Variants in ZNF462 observed in about 807,000 individuals in gnomAD.
ZNF462 encodes zinc finger protein 462, also known as zinc finger PBX1-interacting protein.
ZNF462 carries 10 observed loss-of-function variants against 201.9 expected under a neutral mutation model. That is an observed-to-expected ratio of 0.05 (90% CI 0.03 to 0.08). The LOEUF (loss-of-function observed/expected upper bound fraction) is 0.08. ZNF462 is among the 10% of genes least tolerant of loss of function. ZNF462 has a pLI of 1.00. For missense variants in ZNF462, 2,523 were observed against 3,168.3 expected, an observed-to-expected ratio of 0.80 and a Z score of 4.89; for synonymous variants, 1,227 against 1,193.3, an observed-to-expected ratio of 1.03 and a Z score of -0.58.
In ZNF462 at chr9:106,993,644, C is replaced by T. The variant is rs1371602747; in HGVS notation, c.7056+9235C>T. On this transcript the variant is annotated intron_variant, in intron 10 of 12. Transcript: ENST00000277225. The surrounding 1 kb of genome is among the most constrained non-coding windows in gnomAD (Gnocchi z 4.0). ...CTTTACTTCCCTCTCCCTTCCTTCA[C>T]TCCCTGCATTCTCTGTCCCCCAACA... Among the ~76,000 whole-genome samples the T allele has an allele frequency of 4.0e-5, 6 of 151,648 alleles. No individual in the cohort carries two copies. Among genetic ancestry groups the T allele is most frequent in the African/African-American group, 1.2e-4 (5 of 41,236 alleles).
rs1245689814 is a variant in ZNF462, at chr9:106,938,557, T to C, written c.6236-359T>C. On this transcript the variant is annotated intron_variant, in intron 6 of 12. Transcript: ENST00000277225. This position sits in a 1 kb window ranked among gnomAD's most constrained non-coding sequence, Gnocchi z 4.4. ...AGGCCACCTTGAATGAAACCTGACA[T>C]GGTCATTTCTAGTGTAGAGAGGGAG... Among the ~76,000 whole-genome samples the C allele has an allele frequency of 2.0e-5, 3 of 152,164 alleles. No individual in the cohort carries two copies. The highest frequency in any genetic ancestry group is 1.3e-4 in the Admixed American group (2 of 15,284).
At chr9:106,866,521 C>T (rs1372878814) in intron 1 of ZNF462, among the ~76,000 whole-genome samples, 1 of 152,062 alleles carries the variant, frequency 6.6e-6, no homozygotes, top group Admixed American at 6.5e-5. Flanking sequence ...CATGTTTGTG[C>T]AGACAAAAAT....
At chr9:106,991,834 C>T (rs1055472999) in intron 10 of ZNF462, among the ~76,000 whole-genome samples, 1 of 121,870 alleles carries the variant, frequency 8.2e-6, no homozygotes, top group Non-Finnish European at 1.6e-5. Context: ...CTTTACAGCA[C>T]TCTCTACACA....
rs1244404050 is a variant in ZNF462, at chr9:106,917,120, T to TA, written c.-30-6234_-30-6233insA. Among the ~76,000 whole-genome samples, 6 of 152,250 alleles carry TA rather than the reference T, an allele frequency of 3.9e-5. No homozygotes were observed. The highest frequency in any genetic ancestry group is 8.8e-5 in the Non-Finnish European group (6 of 68,050). ...CTCCAGAAGGTATGTAGTATCTCTT[T>TA]CTGTATGAGACACTTACTACCTGCT... is the stretch of plus-strand genomic sequence containing the variant. On this transcript the variant is annotated intron_variant, in intron 1 of 12. Coordinates refer to ENST00000277225, the MANE Select transcript of ZNF462 (RefSeq NM_021224.6). The surrounding 1 kb of genome is among the most constrained non-coding windows in gnomAD (Gnocchi z 4.5).
At chr9:106,862,258 C>G (rs539822509), upstream of ZNF462, among the ~76,000 whole-genome samples, 1 of 152,316 alleles carries the variant, frequency 6.6e-6, no homozygotes, top group South Asian at 2.1e-4. This position sits in a 1 kb window ranked among gnomAD's most constrained non-coding sequence, Gnocchi z 4.2. Flanking sequence ...CTTGCAACCT[C>G]CAGTTCCCCA....
rs1375173245 is a variant in ZNF462 at position 106,966,164 on chromosome 9, A to T, written c.6428-5841A>T. ...GCTTTTCAGAAGAAAATTACAATCC[A>T]TGTATTATTTTGAACTTCCTATGCT... On this transcript the variant is annotated intron_variant, in intron 7 of 12. Transcript: ENST00000277225. This position sits in a 1 kb window ranked among gnomAD's most constrained non-coding sequence, Gnocchi z 4.4. Among the ~76,000 whole-genome samples the T allele has an allele frequency of 6.6e-5, 10 of 152,036 alleles. No individual in the cohort carries two copies.
At chr9:106,934,739 A>C (rs563095079) in intron 5 of ZNF462, among the ~76,000 whole-genome samples, 1 of 152,314 alleles carries the variant, frequency 6.6e-6, no homozygotes, top group Non-Finnish European at 1.5e-5. Flanking sequence ...GTGCTGATAC[A>C]AATTAGAACT....
chr9:106,964,147 C>G (rs1210015419), intron 7 of ZNF462, among the ~76,000 whole-genome samples: 1 of 151,888 alleles, frequency 6.6e-6, no homozygotes, highest in African/African-American at 2.4e-5. Context: ...GTACATATCT[C>G]TTCAAGATCT....
rs556909703 is a variant in ZNF462, at chr9:106,954,786, A to G, written c.6427+15679A>G. Among the ~76,000 whole-genome samples the G allele has an allele frequency of 2.6e-5, 4 of 152,154 alleles. No homozygotes were observed. Among genetic ancestry groups the G allele is most frequent in the Admixed American group, 6.5e-5 (1 of 15,280 alleles). On this transcript the variant is annotated intron_variant, in intron 7 of 12. Coordinates refer to ENST00000277225, the MANE Select transcript of ZNF462 (RefSeq NM_021224.6). The surrounding 1 kb of genome is among the most constrained non-coding windows in gnomAD (Gnocchi z 4.0). The stretch of plus-strand genomic sequence containing the variant: ...TCAACTCTTCCTCTGAAATCCCTCA[A>G]TGCTGTGCCCTACCTCTCTTAAGAA...
chr9:106,924,336 C>T lies in ZNF462; in HGVS notation c.424C>T (p.Pro142Ser). Residue 142 changes from proline to serine, a missense_variant, in exon 3 of 13, where the codon CCC becomes TCC. Pro to Ser is a moderately conservative substitution (Grantham distance 74). Coordinates refer to ENST00000277225, the MANE Select transcript of ZNF462 (RefSeq NM_021224.6). The surrounding 1 kb of genome is among the most constrained non-coding windows in gnomAD (Gnocchi z 6.2). ...GAQAEGSSSG[P>S]PVPGSLNYNI... The stretch of plus-strand genomic sequence containing the variant: ...TCAAGCTGAAGGGAGTTCATCAGGA[C>T]CCCCTGTCCCGGGATCCTTAAATTA... The T allele has an allele frequency of 1.2e-6, 2 of 1,614,130 alleles. No homozygotes were observed. Among genetic ancestry groups the T allele is most frequent in the Non-Finnish European group, 8.5e-7 (1 of 1,180,020 alleles).
chr9:106,973,049 A>G (rs1826710865), intron 8 of ZNF462, among the ~76,000 whole-genome samples: 1 of 152,200 alleles, frequency 6.6e-6, no homozygotes, highest in Admixed American at 6.5e-5. Context: ...AGATAATAAT[A>G]GTACCTACAT....
chr9:106,945,399 C>G (rs1164721439), intron 7 of ZNF462, among the ~76,000 whole-genome samples: 2 of 152,112 alleles, frequency 1.3e-5, no homozygotes, highest in African/African-American at 4.8e-5. Flanking sequence ...CTAAATAGGT[C>G]AGACATAAAA....
Position 106,924,616 on chromosome 9 carries a change from CTTTGACCAAATCTCGAGGCAACTT to C in ZNF462, c.707_730del (p.Leu236_Phe243del). On this transcript the variant is annotated inframe_deletion, in exon 3 of 13. Coordinates refer to ENST00000277225, the MANE Select transcript of ZNF462 (RefSeq NM_021224.6). This position sits in a 1 kb window ranked among gnomAD's most constrained non-coding sequence, Gnocchi z 6.2. ...AGCATCTTAGAGTCTATGGTCAAGC[CTTTGACCAAATCTCGAGGCAACTT>C]TTGTTGTGAGTGGTGCAGCTACCAG... The C allele has an allele frequency of 6.2e-7, 1 of 1,614,176 alleles. No individual in the cohort carries two copies. The highest frequency in any genetic ancestry group is 8.5e-7 in the Non-Finnish European group (1 of 1,180,036).
chr9:107,010,935 G>A lies in ZNF462; in HGVS notation c.7426G>A (p.Gly2476Arg), dbSNP rs1829898138. ...GGAAAAGGAAGATGACGAGGCCATT[G>A]GGATAGACTTTTCCCTAAAGAATGA... ...IEEKEDDEAI[G>R]IDFSLKNETV... The change falls in exon 13 of 13, where the codon GGG becomes AGG. Residue 2476 changes from glycine (G) to arginine (R), a missense_variant. This residue lies in a region of ZNF462 where 67 missense variants were observed against 63.2 expected (regional missense o/e 1.06). Transcript: ENST00000277225. This position sits in a 1 kb window ranked among gnomAD's most constrained non-coding sequence, Gnocchi z 4.6. The A allele has an allele frequency of 1.2e-6, 2 of 1,613,560 alleles. No homozygotes were observed. The highest frequency in any genetic ancestry group is 2.7e-5 in the African/African-American group (2 of 74,902).
In ZNF462 at chr9:106,984,732, C is replaced by T. The variant is rs374010624; in HGVS notation, c.7056+323C>T. Among the ~76,000 whole-genome samples, 6 of 152,296 alleles carry T rather than the reference C, an allele frequency of 3.9e-5. No individual in the cohort carries two copies. In the East Asian group the frequency reaches 5.8e-4, roughly 15 times the overall value. On this transcript the variant is annotated intron_variant, in intron 10 of 12. Coordinates refer to ENST00000277225, the MANE Select transcript of ZNF462 (RefSeq NM_021224.6). The surrounding 1 kb of genome is among the most constrained non-coding windows in gnomAD (Gnocchi z 6.4). The stretch of plus-strand genomic sequence containing the variant: ...ACTATACATAAAACATGATACCTTA[C>T]ATTTTTTAAAGCTTATTCTAAAAGA...
Position 107,003,435 on chromosome 9 carries a change from C to T in ZNF462, c.7189+9C>T, listed in dbSNP as rs1348560657. 6.2e-7 allele frequency: 1 copy of T among 1,612,616 alleles called. No individual in the cohort carries two copies. The highest frequency in any genetic ancestry group is 1.1e-5 in the South Asian group (1 of 90,882). On this transcript the variant is annotated intron_variant, in intron 11 of 12. Transcript: ENST00000277225. The surrounding 1 kb of genome is among the most constrained non-coding windows in gnomAD (Gnocchi z 4.4). ...CAAGGCTGAAGACAGAGGTTAGTCT[C>T]ATCCTGCCCTCCCAATCCCAGATGG...
chr9:106,962,118 G>A lies in ZNF462; in HGVS notation c.6428-9887G>A, dbSNP rs900376787. On this transcript the variant is annotated intron_variant, in intron 7 of 12. Coordinates refer to ENST00000277225, the MANE Select transcript of ZNF462 (RefSeq NM_021224.6). The surrounding 1 kb of genome is among the most constrained non-coding windows in gnomAD (Gnocchi z 4.6). ...TCACATTTGCATTTTAGAAAAGAAA[G>A]GAATCATAGGGGGAGAAGAAACTGG... Among the ~76,000 whole-genome samples the A allele has an allele frequency of 1.3e-5, 2 of 152,006 alleles. No homozygotes were observed. The highest frequency in any genetic ancestry group is 2.9e-5 in the Non-Finnish European group (2 of 67,924).
At chr9:106,998,115 G>A (rs564509927) in intron 10 of ZNF462, among the ~76,000 whole-genome samples, 3 of 152,090 alleles carry the variant, frequency 2.0e-5, no homozygotes, top group East Asian at 1.9e-4. Flanking sequence ...TCTTCACAGC[G>A]CTGCACATTC....
At chr9:106,943,565 C>T (rs1053707220) in intron 7 of ZNF462, among the ~76,000 whole-genome samples, 1 of 152,162 alleles carries the variant, frequency 6.6e-6, no homozygotes, top group African/African-American at 2.4e-5. Context: ...AGGTGGATTT[C>T]TTTCCTGTCT....
Sources: gnomAD v4.1 joint callset for allele counts (sites outside exome capture counted in the v4.1 genomes callset) on GRCh38, gnomAD v4.1.1 for gene constraint, gnomAD v4.1.1 regional missense constraint, Gnocchi (gnomAD v3.1) non-coding constraint, MANE v1.5 for transcripts, NCBI Gene and HGNC (gene_info 2026-07-23, HGNC 2026-07-21) for gene names.